Variants in AGBL1 observed in about 807,000 individuals in gnomAD.
AGBL1 encodes AGBL carboxypeptidase 1, also known as cytosolic carboxypeptidase 4.
Under a neutral mutation model 118.9 loss-of-function variants are expected in AGBL1, and 130 were observed. The ratio of observed to expected loss-of-function variants is 1.09; its 90% CI spans 0.95 to 1.26. The LOEUF (loss-of-function observed/expected upper bound fraction) is 1.26, where lower values mean the gene tolerates loss of function less well. Ranked by LOEUF, AGBL1 falls within the 50% of genes most tolerant of loss-of-function variation. The pLI, the probability that AGBL1 is intolerant of heterozygous loss-of-function variation, is 0.00. For missense variants in AGBL1, 1,584 were observed against 1,298.1 expected (o/e 1.22, Z -3.38); for synonymous variants, 555 against 478.9 (o/e 1.16, Z -2.08).
intron 1 of AGBL1, among the ~76,000 whole-genome samples, chr15:86,087,859 C>T (rs1165129933): frequency 6.6e-6 from 1 of 152,222 alleles, no homozygotes; most frequent in African/African-American, 2.4e-5. Context: ...TAGATTTCCT[C>T]AGGTGTAAGT....
intron 1 of AGBL1, among the ~76,000 whole-genome samples, chr15:86,111,425 G>A (rs1216093942): frequency 6.6e-6 from 1 of 152,196 alleles, no homozygotes; most frequent in Non-Finnish European, 1.5e-5. Context: ...TCTTCTGAAT[G>A]TTTGTATCTA....
chr15:86,099,938 C>T (rs1006069307), intron 1 of AGBL1, among the ~76,000 whole-genome samples: 5 of 151,922 alleles, frequency 3.3e-5, no homozygotes, highest in African/African-American at 1.2e-4. Flanking sequence ...TTCAGTTTTT[C>T]CTTTTTGGAT....
chr15:86,410,807 G>GATATATATATATATATAT (rs36127489), intron 18 of AGBL1, among the ~76,000 whole-genome samples: 45 of 40,342 alleles, frequency 1.1e-3, no homozygotes, highest in African/African-American at 2.6e-3. Context: ...GTCAAATGTA[G>GATATATATATATATATAT]ATATATATAT....
intron 21 of AGBL1, among the ~76,000 whole-genome samples, chr15:86,635,294 CCCCTCCCCTCCTCCTCCTCCT>C (rs2085060700): frequency 2.6e-5 from 1 of 38,838 alleles, no homozygotes; most frequent in African/African-American, 1.1e-4. Flanking sequence ...CCTCCCCCTC[CCCCTCCCCTCCTCCTCCTCCT>C]CCTCCTCCTC....
At chr15:86,874,409 C>CACACACACA (rs2079775627) in intron 22 of AGBL1, among the ~76,000 whole-genome samples, 2 of 150,982 alleles carry the variant, frequency 1.3e-5, no homozygotes, top group African/African-American at 2.4e-5. Flanking sequence ...CACACACACA[C>CACACACACA]CCTGGGGCCA....
chr15:86,507,693 TG>T (rs2082994813), intron 18 of AGBL1, among the ~76,000 whole-genome samples: 1 of 152,072 alleles, frequency 6.6e-6, no homozygotes, highest in Non-Finnish European at 1.5e-5. Context: ...CATGGATATT[TG>T]GGGAAAGAGA....
chr15:86,701,096 G>C (rs900262704), intron 22 of AGBL1, among the ~76,000 whole-genome samples: 1 of 152,088 alleles, frequency 6.6e-6, no homozygotes, highest in Non-Finnish European at 1.5e-5. Flanking sequence ...TGTCAGCCTC[G>C]GATCATTTGC....
intron 1 of AGBL1, among the ~76,000 whole-genome samples, chr15:86,082,003 T>G (rs1434337861): frequency 6.6e-6 from 1 of 152,186 alleles, no homozygotes; most frequent in African/African-American, 2.4e-5. Context: ...AGTTCCCAAT[T>G]AAGCAGAACA....
chr15:86,460,250 G>A (rs903498124), intron 18 of AGBL1, among the ~76,000 whole-genome samples: 5 of 149,532 alleles, frequency 3.3e-5, no homozygotes, highest in South Asian at 2.2e-4. Context: ...GGGAGGCTGC[G>A]GTGGGAGGAT....
At chr15:86,196,879 G>GCGCACGCACA (rs756313941) in intron 5 of AGBL1, among the ~76,000 whole-genome samples, 15 of 117,014 alleles carry the variant, frequency 1.3e-4, no homozygotes, top group African/African-American at 5.4e-4. Flanking sequence ...GCGCGCGCGC[G>GCGCACGCACA]CACACACACA....
intron 18 of AGBL1, among the ~76,000 whole-genome samples, chr15:86,521,552 A>G (rs2083189044): frequency 6.6e-6 from 1 of 152,172 alleles, no homozygotes; most frequent in African/African-American, 2.4e-5. Flanking sequence ...TGCAGCAAAT[A>G]GGAGATAGAT....
intron 22 of AGBL1, among the ~76,000 whole-genome samples, chr15:86,765,676 G>T (rs1008292765): frequency 1.3e-5 from 2 of 152,072 alleles, no homozygotes; most frequent in Admixed American, 1.3e-4. Context: ...ATCTTGAGGT[G>T]AAGAATGACT....
At chr15:86,890,073 T>C (rs1282817897) in intron 22 of AGBL1, among the ~76,000 whole-genome samples, 3 of 152,192 alleles carry the variant, frequency 2.0e-5, no homozygotes, top group African/African-American at 7.2e-5. Context: ...TACTGGACTT[T>C]TTAATAGTCA....
chr15:86,162,354 C>T (rs908634977), intron 5 of AGBL1, among the ~76,000 whole-genome samples: 2 of 152,154 alleles, frequency 1.3e-5, no homozygotes, highest in Non-Finnish European at 2.9e-5. Flanking sequence ...GGAGATTAGA[C>T]CTGCCCTACT....
At position 86,716,594 on chromosome 15, in the gene AGBL1, A is replaced by G. The variant is rs138571476; in HGVS notation, c.3158+42158A>G. ...CAAGAAAATAGAAAAAGCAGTAAGA[A>G]AAAAGCTCACGGCTATCTCCAGCCA... is the stretch of plus-strand genomic sequence containing the variant. On this transcript the variant is annotated intron_variant, in intron 22 of 22. Coordinates refer to ENST00000614907, the MANE Select transcript of AGBL1 (RefSeq NM_001386094.1). Among the ~76,000 whole-genome samples the G allele has an allele frequency of 2.7e-3, 407 of 152,322 alleles. 1 individual carries two copies. The highest frequency in any genetic ancestry group is 9.2e-3 in the African/African-American group (383 of 41,568).
At chr15:86,962,630 T>C (rs766071696) in intron 23 of AGBL1, among the ~76,000 whole-genome samples, 7 of 152,162 alleles carry the variant, frequency 4.6e-5, no homozygotes, top group Admixed American at 2.6e-4. Context: ...GGACATACCA[T>C]TGAATATAAG....
intron 18 of AGBL1, among the ~76,000 whole-genome samples, chr15:86,473,431 A>G (rs2082508630): frequency 6.6e-6 from 1 of 152,238 alleles, no homozygotes; most frequent in Admixed American, 6.5e-5. Flanking sequence ...AAAAAAGAAA[A>G]GCACAAAGAA....
chr15:86,457,048 T>G (rs1045026367), intron 18 of AGBL1, among the ~76,000 whole-genome samples: 9 of 152,168 alleles, frequency 5.9e-5, no homozygotes, highest in African/African-American at 1.4e-4. Flanking sequence ...ACAAAATCCC[T>G]TTCATTATGC....
intron 19 of AGBL1, among the ~76,000 whole-genome samples, chr15:86,530,842 C>G (rs1418766383): frequency 7.8e-5 from 9 of 114,840 alleles, no homozygotes; most frequent in African/African-American, 3.1e-4. Context: ...AACTGAACAA[C>G]CTGCTCCTGA....
Sources: allele counts gnomAD v4.1 joint callset (sites outside exome capture counted in the v4.1 genomes callset), GRCh38; gene constraint gnomAD v4.1.1; transcripts MANE v1.5; gene names NCBI Gene and HGNC (gene_info 2026-07-23, HGNC 2026-07-21).